Variants in IPO11 observed in about 807,000 individuals in gnomAD.
IPO11 encodes the protein importin-11.
IPO11 carries 66 observed loss-of-function variants against 143.2 expected under a neutral mutation model. That is an observed-to-expected ratio of 0.46 (90% confidence interval 0.38 to 0.57). IPO11 has a LOEUF of 0.57. Ranked by LOEUF, IPO11 falls within the 20% of genes least tolerant of loss-of-function variation. IPO11 has a pLI of 0.00. For missense variants in IPO11, 1,026 were observed against 1,141.0 expected, an observed-to-expected ratio of 0.90 and a Z score of 1.45; for synonymous variants, 385 against 377.8, an observed-to-expected ratio of 1.02 and a Z score of -0.22.
chr5:62,451,046 G>A (rs1247202604), intron 4 of IPO11, among the ~76,000 whole-genome samples: 1 of 152,102 alleles, frequency 6.6e-6, no homozygotes, highest in African/African-American at 2.4e-5. Flanking sequence ...ATTAGGGAGG[G>A]GTTTGTGTTA....
At chr5:62,509,210 G>A (rs961669917) in intron 19 of IPO11, among the ~76,000 whole-genome samples, 7 of 152,138 alleles carry the variant, frequency 4.6e-5, no homozygotes, top group Non-Finnish European at 4.4e-5. Context: ...GTATCAGGTG[G>A]TCTTTGGGCC....
intron 5 of IPO11, among the ~76,000 whole-genome samples, chr5:62,458,197 A>G (rs1038891034): frequency 6.6e-6 from 1 of 151,592 alleles, no homozygotes; most frequent in Non-Finnish European, 1.5e-5. Context: ...GTCATCAAAT[A>G]GGTTTAATAG....
intron 28 of IPO11, among the ~76,000 whole-genome samples, chr5:62,600,282 G>A (rs1434781891): frequency 6.6e-6 from 1 of 152,068 alleles, no homozygotes; most frequent in Non-Finnish European, 1.5e-5. Context: ...CTGACCTCAG[G>A]GGATTCACCC....
chr5:62,505,717 A>C (rs1023824088), intron 18 of IPO11, among the ~76,000 whole-genome samples: 3 of 152,076 alleles, frequency 2.0e-5, no homozygotes, highest in Non-Finnish European at 2.9e-5. Flanking sequence ...TGATTTCCTA[A>C]TAAGAACTAT....
chr5:62,619,628 C>T (rs771104396), intron 29 of IPO11, among the ~76,000 whole-genome samples: 6 of 152,032 alleles, frequency 3.9e-5, no homozygotes, highest in Non-Finnish European at 7.4e-5. Flanking sequence ...CCGAGGCAGG[C>T]GGATCACGAG....
At chr5:62,581,241 A>G (rs1744548545) in intron 27 of IPO11, 2 of 1,539,564 alleles carry the variant, frequency 1.3e-6, no homozygotes, top group African/African-American at 2.8e-5. Context: ...AGCAGATTCG[A>G]CTTCATAAAC....
chr5:62,485,556 T>A, intron 12 of IPO11, 94 bp downstream of exon 12: 1 of 1,033,806 alleles, frequency 9.7e-7, no homozygotes, highest in South Asian at 1.4e-5. Flanking sequence ...ATTCCAGACA[T>A]TTGCTGGGCA....
chr5:62,415,464 C>CTT (rs67290766), intron 1 of IPO11, among the ~76,000 whole-genome samples: 30 of 101,254 alleles, frequency 3.0e-4, no homozygotes, highest in East Asian at 5.4e-4. Context: ...CCCGTCTTTA[C>CTT]TTTTTTTTTT....
At chr5:62,503,387 TATC>T (rs1365096199) in intron 16 of IPO11, among the ~76,000 whole-genome samples, 1 of 144,968 alleles carries the variant, frequency 6.9e-6, no homozygotes, top group African/African-American at 2.5e-5. Flanking sequence ...ATATTAATAG[TATC>T]TATTAATATA....
intron 4 of IPO11, among the ~76,000 whole-genome samples, chr5:62,451,515 A>G (rs1267265818): frequency 6.6e-6 from 1 of 152,186 alleles, no homozygotes; most frequent in Non-Finnish European, 1.5e-5. Context: ...TCACACTGAC[A>G]GATAATTGGG....
At chr5:62,567,753 G>T (rs554333206) in intron 27 of IPO11, among the ~76,000 whole-genome samples, 1 of 151,252 alleles carries the variant, frequency 6.6e-6, no homozygotes, top group Admixed American at 6.6e-5. Flanking sequence ...GTAGAGACAC[G>T]GTTTAGCCAT....
rs1382460929 is a variant in IPO11 at position 62,580,325 on chromosome 5, TCA to T, written c.2583-11251_2583-11250del. On this transcript the variant is annotated intron_variant, in intron 27 of 29. Coordinates refer to ENST00000325324, the MANE Select transcript of IPO11 (RefSeq NM_016338.5). ...TTAGAGAATTTAAATTCTGACACAT[TCA>T]GTTTGTTAAAGAATTTAATTTACCT... The T allele has an allele frequency of 3.9e-6, 6 of 1,537,064 alleles. No homozygotes were observed. In the Admixed American group the frequency reaches 5.9e-5, roughly 15 times the overall value.
chr5:62,572,355 A>G (rs1332258998), intron 27 of IPO11, among the ~76,000 whole-genome samples: 1 of 152,174 alleles, frequency 6.6e-6, no homozygotes, highest in Non-Finnish European at 1.5e-5. Flanking sequence ...ATTTATTAAG[A>G]AAGTATTTAT....
chr5:62,416,438 T>A (rs1422293722), intron 1 of IPO11, among the ~76,000 whole-genome samples: 29 of 152,144 alleles, frequency 1.9e-4, no homozygotes, highest in Admixed American at 1.9e-3. Flanking sequence ...CGCCTCAGCC[T>A]CCCAAAGTGC....
At chr5:62,555,516 T>TTATTTATTTATG (rs1743546793) in intron 26 of IPO11, among the ~76,000 whole-genome samples, 1 of 150,468 alleles carries the variant, frequency 6.6e-6, no homozygotes, top group South Asian at 2.1e-4. Flanking sequence ...ATTTATTTAT[T>TTATTTATTTATG]TATTTGAGAC....
At chr5:62,448,230 G>A (rs1744788426) in intron 3 of IPO11, among the ~76,000 whole-genome samples, 1 of 151,802 alleles carries the variant, frequency 6.6e-6, no homozygotes, top group African/African-American at 2.4e-5. Flanking sequence ...TGGGCAGGTA[G>A]CATGTACAGC....
chr5:62,515,797 C>T (rs1366178749), intron 20 of IPO11, among the ~76,000 whole-genome samples: 3 of 151,950 alleles, frequency 2.0e-5, no homozygotes, highest in African/African-American at 2.4e-5. Context: ...CCTTGGTGGT[C>T]GGGGCTTTTC....
intron 29 of IPO11, among the ~76,000 whole-genome samples, chr5:62,608,638 G>T (rs1353624619): frequency 1.3e-5 from 2 of 152,036 alleles, no homozygotes; most frequent in African/African-American, 4.8e-5. Context: ...TCCCCACTGA[G>T]TTTTCTCATT....
chr5:62,559,812 A>T (rs996797727), intron 26 of IPO11, among the ~76,000 whole-genome samples: 1 of 146,448 alleles, frequency 6.8e-6, no homozygotes, highest in Non-Finnish European at 1.5e-5. Context: ...GCTACTTGGG[A>T]GGCTCAGGCA....
Sources: allele counts gnomAD v4.1 joint callset (sites outside exome capture counted in the v4.1 genomes callset), GRCh38; gene constraint gnomAD v4.1.1; transcripts MANE v1.5; gene names NCBI Gene and HGNC (gene_info 2026-07-23, HGNC 2026-07-21).